Variants in DYNLRB1 observed in about 807,000 individuals in gnomAD.
DYNLRB1 encodes ROBL/LC7-like 1.
A neutral mutation model predicts 13.5 loss-of-function variants in DYNLRB1; 6 were observed. That is an observed-to-expected ratio of 0.44 (90% CI 0.24 to 0.88). The LOEUF is 0.88. Ranked by LOEUF, DYNLRB1 falls within the 40% of genes least tolerant of loss-of-function variation. DYNLRB1 has a pLI of 0.21. For missense variants in DYNLRB1, 93 were observed against 127.2 expected (o/e 0.73, Z 1.29); for synonymous variants, 43 against 45.0 (o/e 0.96, Z 0.18).
intron 3 of DYNLRB1, among the ~76,000 whole-genome samples, chr20:34,539,876 G>A (rs577814406): frequency 1.1e-4 from 16 of 151,910 alleles, no homozygotes; most frequent in African/African-American, 2.4e-4. Flanking sequence ...AGGCTGAGGC[G>A]GGAGGATCAC....
intron 3 of DYNLRB1, 51 bp downstream of exon 3, chr20:34,534,846 T>A: frequency 1.2e-6 from 2 of 1,612,862 alleles, no homozygotes; most frequent in Non-Finnish European, 1.7e-6. Context: ...TGGCACATTC[T>A]CTGTGGCTCA....
intron 2 of DYNLRB1, chr20:34,529,755 C>T: frequency 9.0e-7 from 1 of 1,107,194 alleles, no homozygotes; most frequent in Non-Finnish European, 1.2e-6. Flanking sequence ...ATGTTGATTT[C>T]CAAGTCAGCA....
chr20:34,525,361 C>T (rs1445999265), intron 1 of DYNLRB1, among the ~76,000 whole-genome samples: 1 of 152,204 alleles, frequency 6.6e-6, no homozygotes, highest in Non-Finnish European at 1.5e-5. Context: ...GTGTTTATCA[C>T]ACTTCTACTC....
At chr20:34,526,429 C>A (rs1424869518) in intron 2 of DYNLRB1, 86 bp downstream of exon 2, 1 of 1,339,444 alleles carries the variant, frequency 7.5e-7, no homozygotes, top group Non-Finnish European at 1.1e-6. Context: ...TTCACTAAGC[C>A]CTTCATGAAT....
At chr20:34,536,628 C>G (rs1981163532) in intron 3 of DYNLRB1, 1 of 277,014 alleles carries the variant, frequency 3.6e-6, no homozygotes, top group Non-Finnish European at 5.5e-6. Flanking sequence ...ACCTGTAATC[C>G]CAGGTACTTG....
chr20:34,532,311 G>A (rs1035256194), intron 2 of DYNLRB1, among the ~76,000 whole-genome samples: 4 of 152,198 alleles, frequency 2.6e-5, no homozygotes, highest in African/African-American at 9.7e-5. Context: ...TAAGGCAGTG[G>A]AAGCTCAGGA....
chr20:34,522,469 C>CTTTTT lies in DYNLRB1; in HGVS notation c.4-3781_4-3777dup, dbSNP rs771811577. ...TTTTCTTTCTTTCTTTTTTCTTTTTCTTTTTTTTTTTTTTTTTTTTTTGAT... is the reference window on the plus strand; with the variant it reads ...TTTTCTTTCTTTCTTTTTTCTTTTTCTTTTTTTTTTTTTTTTTTTTTTTTTTTGAT... On this transcript the variant is annotated intron_variant, in intron 1 of 3. Transcript: ENST00000357156. 4.2e-3 allele frequency among the ~76,000 whole-genome samples: 322 copies of CTTTTT among 77,164 alleles called. 1 individual carries two copies. The highest frequency in any genetic ancestry group is 0.013 in the Middle Eastern group (1 of 80). The allele number at this position is 77,164 out of a possible 152,430, so 50.6% of individuals were successfully genotyped here. A position where few individuals can be genotyped will look rare whatever the true frequency, so the allele number is the denominator to read the frequency against.
intron 2 of DYNLRB1, chr20:34,529,933 AG>A: frequency 6.9e-7 from 1 of 1,459,468 alleles, no homozygotes; most frequent in Non-Finnish European, 9.1e-7. Context: ...GGGTGGCCTG[AG>A]GCAACTCCTT....
intron 2 of DYNLRB1, among the ~76,000 whole-genome samples, chr20:34,527,187 C>T (rs189512838): frequency 8.1e-4 from 123 of 152,270 alleles, no homozygotes; most frequent in Non-Finnish European, 1.4e-3. Context: ...CGTCTGAGTG[C>T]GCTTGGGTGC....
intron 1 of DYNLRB1, among the ~76,000 whole-genome samples, chr20:34,525,953 C>G (rs982583200): frequency 6.6e-6 from 1 of 152,222 alleles, no homozygotes; most frequent in Non-Finnish European, 1.5e-5. Context: ...ATATGTGAGT[C>G]ATGGACATGT....
intron 1 of DYNLRB1, among the ~76,000 whole-genome samples, chr20:34,525,493 A>C (rs559095108): frequency 2.8e-4 from 42 of 152,290 alleles, no homozygotes; most frequent in African/African-American, 9.9e-4. Context: ...GGATCAGTAA[A>C]GGCTTCGCGG....
intron 2 of DYNLRB1, among the ~76,000 whole-genome samples, chr20:34,527,731 T>C (rs1381803341): frequency 1.3e-5 from 2 of 152,198 alleles, no homozygotes; most frequent in Admixed American, 6.5e-5. Context: ...AATTCTGCTT[T>C]AGGGGATAGA....
At chr20:34,518,302 C>A (rs1979426117) in intron 1 of DYNLRB1, among the ~76,000 whole-genome samples, 1 of 152,094 alleles carries the variant, frequency 6.6e-6, no homozygotes, top group Admixed American at 6.6e-5. Context: ...TGTGATACCT[C>A]AAGCTTTGTT....
chr20:34,534,613 C>G lies in DYNLRB1; in HGVS notation c.80-15C>G. The G allele has an allele frequency of 6.5e-7, 1 of 1,542,852 alleles. No individual in the cohort carries two copies. The highest frequency in any genetic ancestry group is 8.7e-7 in the Non-Finnish European group (1 of 1,144,674). On this transcript the variant is annotated splice_polypyrimidine_tract_variant and intron_variant, in intron 2 of 3. Coordinates refer to ENST00000357156, the MANE Select transcript of DYNLRB1 (RefSeq NM_014183.4). ...GGCTCCACATCCTCTCAGTCTCCGTCTGCTCTCCCCTCAGGCATTCCCATC... is the reference window on the plus strand; with the variant it reads ...GGCTCCACATCCTCTCAGTCTCCGTGTGCTCTCCCCTCAGGCATTCCCATC...
chr20:34,530,172 A>C (rs1980602725), intron 2 of DYNLRB1: 1 of 1,186,472 alleles, frequency 8.4e-7, no homozygotes, highest in Non-Finnish European at 1.0e-6. Context: ...TCTTGCCTTA[A>C]AACTGCCCCT....
At chr20:34,519,568 T>A (rs993063631) in intron 1 of DYNLRB1, among the ~76,000 whole-genome samples, 1 of 152,186 alleles carries the variant, frequency 6.6e-6, no homozygotes, top group African/African-American at 2.4e-5. Flanking sequence ...TTCTGCAACT[T>A]GTTCTGTTCA....
intron 2 of DYNLRB1, among the ~76,000 whole-genome samples, chr20:34,531,808 G>T (rs1411239868): frequency 6.6e-6 from 1 of 152,210 alleles, no homozygotes; most frequent in African/African-American, 2.4e-5. Flanking sequence ...CTGGGATGGT[G>T]CCAGTGGGGA....
chr20:34,523,884 T>C (rs1197377857), intron 1 of DYNLRB1, among the ~76,000 whole-genome samples: 1 of 152,254 alleles, frequency 6.6e-6, no homozygotes, highest in Non-Finnish European at 1.5e-5. Flanking sequence ...AGAAATTTCA[T>C]CTTTTTCATT....
chr20:34,516,823 T>C, intron 1 of DYNLRB1: 1 of 1,549,716 alleles, frequency 6.5e-7, no homozygotes, highest in South Asian at 1.2e-5. Flanking sequence ...TGGCAGGCTC[T>C]GCCAAGCACT....
Sources: gnomAD v4.1 joint callset for allele counts (sites outside exome capture counted in the v4.1 genomes callset) on GRCh38, gnomAD v4.1.1 for gene constraint, MANE v1.5 for transcripts, NCBI Gene and HGNC (gene_info 2026-07-23, HGNC 2026-07-21) for gene names.